Variants in TRAPPC9 observed in about 807,000 individuals in gnomAD.
TRAPPC9 encodes the protein trafficking protein particle complex subunit 9, also known as IKK2 binding protein.
A neutral mutation model predicts 124.0 loss-of-function variants in TRAPPC9; 83 were observed. That is an observed-to-expected ratio of 0.67 (90% CI 0.56 to 0.80). TRAPPC9 has a LOEUF of 0.80. Ranked by LOEUF, TRAPPC9 falls within the 30% of genes least tolerant of loss-of-function variation. The probability of loss-of-function intolerance (pLI) is 0.00; values close to 1 mark genes in which losing one functional copy is unlikely to be tolerated. For missense variants in TRAPPC9, 1,302 were observed against 1,508.3 expected (o/e 0.86, Z 2.27); for synonymous variants, 638 against 617.5 (o/e 1.03, Z -0.49).
chr8:140,195,542 C>CAT (rs2062631301), intron 17 of TRAPPC9, among the ~76,000 whole-genome samples: 1 of 151,848 alleles, frequency 6.6e-6, no homozygotes, highest in South Asian at 2.1e-4. Flanking sequence ...ACACAGCTTG[C>CAT]ACCTGTGACA....
chr8:140,204,366 C>T (rs559874597), intron 17 of TRAPPC9, among the ~76,000 whole-genome samples: 52 of 151,476 alleles, frequency 3.4e-4, no homozygotes, highest in Middle Eastern at 3.4e-3. Flanking sequence ...AACAAACTAT[C>T]GCAAGGACAG....
In TRAPPC9 at chr8:139,910,311, G is replaced by A. The variant is rs1831642262; in HGVS notation, c.2811-11C>T. The A allele has an allele frequency of 6.2e-7, 1 of 1,614,028 alleles. No individual in the cohort carries two copies. Among genetic ancestry groups the A allele is most frequent in the Non-Finnish European group, 8.5e-7 (1 of 1,180,026 alleles). On this transcript the variant is annotated splice_polypyrimidine_tract_variant and intron_variant, in intron 19 of 22. Coordinates refer to ENST00000438773, the MANE Select transcript of TRAPPC9 (RefSeq NM_001160372.4). ...ACTTGAATAGCCATTCTACGAGAAA[G>A]GGGAAAACACAGCAGAGAATTCATC...
chr8:140,228,967 T>C (rs1005530895), intron 16 of TRAPPC9, among the ~76,000 whole-genome samples: 4 of 152,154 alleles, frequency 2.6e-5, no homozygotes, highest in African/African-American at 9.7e-5. Context: ...TAAGAATTCA[T>C]CTTCAAAATA....
At chr8:140,305,610 T>G (rs1346419866) in intron 10 of TRAPPC9, among the ~76,000 whole-genome samples, 2 of 152,198 alleles carry the variant, frequency 1.3e-5, no homozygotes, top group African/African-American at 4.8e-5. Flanking sequence ...CCCAGGAATT[T>G]TTTAAAATAA....
Position 140,252,527 on chromosome 8 carries a change from C to A in TRAPPC9, c.2431+250G>T. ...CCTACATTCCACTAATTTAGAATGA[C>A]CTGCTGGTAAATGAGTACAAAATAA... On this transcript the variant is annotated intron_variant, in intron 16 of 22. Coordinates refer to ENST00000438773, the MANE Select transcript of TRAPPC9 (RefSeq NM_001160372.4). The surrounding 1 kb of genome is among the most constrained non-coding windows in gnomAD (Gnocchi z 4.2). The A allele has an allele frequency of 2.2e-6, 1 of 453,450 alleles. No homozygotes were observed. The highest frequency in any genetic ancestry group is 4.0e-6 in the Non-Finnish European group (1 of 249,660). The allele number at this position is 453,450 out of a possible 1,614,324, so 28.1% of individuals were successfully genotyped here.
intron 16 of TRAPPC9, 58 bp from the exon 17 acceptor site, chr8:140,221,641 G>A: frequency 6.4e-7 from 1 of 1,557,280 alleles, no homozygotes; most frequent in Middle Eastern, 1.7e-4. Context: ...GGGGTTTGTT[G>A]TTGTTGTTGT....
At chr8:139,746,896 C>T (rs975705187) in intron 21 of TRAPPC9, among the ~76,000 whole-genome samples, 10 of 152,206 alleles carry the variant, frequency 6.6e-5, no homozygotes, top group South Asian at 2.1e-4. Context: ...GCACCAGGAA[C>T]GCCTTGGCTC....
chr8:140,305,817 C>T (rs1352564779), intron 10 of TRAPPC9, among the ~76,000 whole-genome samples: 1 of 152,176 alleles, frequency 6.6e-6, no homozygotes, highest in Non-Finnish European at 1.5e-5. Context: ...ATTTCCCAAA[C>T]ATTTCATTTG....
At chr8:140,141,898 G>A (rs1331854213) in intron 17 of TRAPPC9, among the ~76,000 whole-genome samples, 1 of 152,174 alleles carries the variant, frequency 6.6e-6, no homozygotes, top group Admixed American at 6.5e-5. Context: ...TTTATTCACT[G>A]TTGAAACATA....
intron 9 of TRAPPC9, among the ~76,000 whole-genome samples, chr8:140,334,387 C>T (rs967761147): frequency 2.0e-5 from 3 of 151,868 alleles, no homozygotes; most frequent in African/African-American, 2.4e-5. Context: ...AGGTGGCTCA[C>T]GCCTATAATC....
At chr8:140,370,285 G>A (rs181708633) in intron 8 of TRAPPC9, among the ~76,000 whole-genome samples, 2 of 151,854 alleles carry the variant, frequency 1.3e-5, no homozygotes, top group Non-Finnish European at 2.9e-5. Flanking sequence ...GACTACAAGC[G>A]CACGCCACCA....
intron 21 of TRAPPC9, among the ~76,000 whole-genome samples, chr8:139,758,674 G>C (rs906523636): frequency 9.2e-5 from 14 of 152,236 alleles, no homozygotes; most frequent in African/African-American, 3.4e-4. Flanking sequence ...ACGAAGGCAG[G>C]GGCAAGAAAA....
chr8:139,766,708 G>T (rs941155281), intron 21 of TRAPPC9, among the ~76,000 whole-genome samples: 15 of 152,064 alleles, frequency 9.9e-5, no homozygotes, highest in African/African-American at 3.4e-4. Flanking sequence ...TATCATTAAG[G>T]TCCCCGCTCC....
At chr8:139,863,500 G>A (rs1239159363) in intron 21 of TRAPPC9, among the ~76,000 whole-genome samples, 2 of 152,234 alleles carry the variant, frequency 1.3e-5, no homozygotes, top group Non-Finnish European at 2.9e-5. Context: ...GAAATCCAGA[G>A]CGTGGAACCT....
At chr8:140,023,429 G>C (rs1284055864) in intron 18 of TRAPPC9, among the ~76,000 whole-genome samples, 1 of 152,218 alleles carries the variant, frequency 6.6e-6, no homozygotes, top group Non-Finnish European at 1.5e-5. Context: ...AAAGTAGGCA[G>C]GAGAGAAAGC....
intron 17 of TRAPPC9, among the ~76,000 whole-genome samples, chr8:140,209,432 C>T (rs140887308): frequency 1.1e-4 from 16 of 152,288 alleles, no homozygotes; most frequent in African/African-American, 3.4e-4. Flanking sequence ...AGGAACAGGC[C>T]GTCCCCCTTC....
chr8:140,281,405 T>C (rs1353816973), intron 14 of TRAPPC9, among the ~76,000 whole-genome samples: 4 of 152,186 alleles, frequency 2.6e-5, no homozygotes, highest in Admixed American at 2.6e-4. Context: ...TATTTGTATA[T>C]CTTGTGGTGA....
rs774508540 is a variant in TRAPPC9, at chr8:140,232,838, G to C, written c.2432-11255C>G. Reference sequence around the variant, plus strand: ...GATAAAAATCAGGGAAACAAAACCAGAACACTGTCAGTTTGAGATTAAAGT... The same window carrying C: ...GATAAAAATCAGGGAAACAAAACCACAACACTGTCAGTTTGAGATTAAAGT... On this transcript the variant is annotated intron_variant, in intron 16 of 22. Transcript: ENST00000438773. Among the ~76,000 whole-genome samples, 216 of 152,308 alleles carry C rather than the reference G, an allele frequency of 1.4e-3. 5 individuals carry two copies. Among genetic ancestry groups the C allele is most frequent in the Middle Eastern group, 3.4e-3 (1 of 294 alleles).
chr8:140,244,684 G>A (rs547303844), intron 16 of TRAPPC9, among the ~76,000 whole-genome samples: 26 of 152,056 alleles, frequency 1.7e-4, no homozygotes, highest in Non-Finnish European at 3.4e-4. Context: ...AGCCTGGCTC[G>A]ATCTTCTGGA....
Sources: gnomAD v4.1 joint callset for allele counts (sites outside exome capture counted in the v4.1 genomes callset) on GRCh38, gnomAD v4.1.1 for gene constraint, Gnocchi (gnomAD v3.1) non-coding constraint, MANE v1.5 for transcripts, NCBI Gene and HGNC (gene_info 2026-07-23, HGNC 2026-07-21) for gene names.